ARHGAP10: variants seen among roughly 807,000 people sequenced by gnomAD.
The protein encoded by ARHGAP10 is rho GTPase-activating protein 10.
ARHGAP10 carries 87 observed loss-of-function variants against 108.6 expected under a neutral mutation model. The ratio of observed to expected loss-of-function variants is 0.80; its 90% CI spans 0.67 to 0.96. The LOEUF (loss-of-function observed/expected upper bound fraction) is 0.96, where lower values mean the gene tolerates loss of function less well. Ranked by LOEUF, ARHGAP10 falls within the 40% of genes least tolerant of loss-of-function variation. The pLI is 0.00. For missense variants in ARHGAP10, 939 were observed against 954.5 expected (o/e 0.98, Z 0.21); for synonymous variants, 347 against 341.1 (o/e 1.02, Z -0.19).
At chr4:147,822,113 C>G (rs978375978) in intron 1 of ARHGAP10, among the ~76,000 whole-genome samples, 2 of 152,214 alleles carry the variant, frequency 1.3e-5, no homozygotes, top group African/African-American at 4.8e-5. Flanking sequence ...CTATTAATCT[C>G]CAATTAAGAT....
intron 4 of ARHGAP10, chr4:147,854,701 A>G: frequency 1.0e-6 from 1 of 984,066 alleles, no homozygotes; most frequent in Non-Finnish European, 1.2e-6. Flanking sequence ...GAGCACAAAG[A>G]AACAATAATA....
At chr4:147,740,305 A>T (rs1728608151) in intron 1 of ARHGAP10, among the ~76,000 whole-genome samples, 1 of 152,090 alleles carries the variant, frequency 6.6e-6, no homozygotes, top group Non-Finnish European at 1.5e-5. Context: ...GAATTCAGAG[A>T]GATTAGTAGC....
chr4:147,870,530 A>T (rs548845444), intron 7 of ARHGAP10, among the ~76,000 whole-genome samples: 9 of 150,890 alleles, frequency 6.0e-5, no homozygotes, highest in Non-Finnish European at 1.2e-4. Flanking sequence ...TCCCCATCTG[A>T]TAATACCTAT....
chr4:148,049,793 TTG>T (rs1729042343), intron 20 of ARHGAP10, among the ~76,000 whole-genome samples: 1 of 140,620 alleles, frequency 7.1e-6, no homozygotes, highest in Non-Finnish European at 1.6e-5. Context: ...GATCATAAAA[TTG>T]TTTTTTTTGT....
intron 22 of ARHGAP10, among the ~76,000 whole-genome samples, chr4:148,069,691 GTGCTAGTAACCCCGTAT>G (rs1730069940): frequency 6.6e-6 from 1 of 152,182 alleles, no homozygotes; most frequent in African/African-American, 2.4e-5. Flanking sequence ...TGCAAGCTAA[GTGCTAGTAACCCCGTAT>G]TGCAGGTAAC....
intron 1 of ARHGAP10, among the ~76,000 whole-genome samples, chr4:147,798,755 CTCTCTCTCTCTCTCTCTCTCTCTCTCTA>C (rs1387238591): frequency 1.3e-4 from 5 of 37,918 alleles, no homozygotes; most frequent in South Asian, 9.8e-4. Flanking sequence ...CTCTCTCTCT[CTCTCTCTCTCTCTCTCTCTCTCTCTCTA>C]TATATATATA....
intron 1 of ARHGAP10, among the ~76,000 whole-genome samples, chr4:147,752,752 C>T (rs1729210041): frequency 6.6e-6 from 1 of 152,156 alleles, no homozygotes; most frequent in African/African-American, 2.4e-5. Context: ...GTCTCAAATT[C>T]CTGACCTCAA....
In ARHGAP10 at chr4:147,822,766, G is replaced by A; in HGVS notation, c.194G>A (p.Arg65Lys). The A allele has an allele frequency of 6.2e-7, 1 of 1,614,200 alleles. No homozygotes were observed. Among genetic ancestry groups the A allele is most frequent in the Non-Finnish European group, 8.5e-7 (1 of 1,180,050 alleles). The part of the protein sequence containing the change: ...VAQRKFAHSL[R>K]DFKFEFIGDA... ...CAGCGGAAGTTTGCTCATTCACTCA[G>A]AGACTTTAAGTTTGAGTTTATCGGT... Residue 65 changes from arginine to lysine, a missense_variant, in exon 2 of 23, where the codon AGA becomes AAA. Arg to Lys is a conservative substitution (Grantham distance 26). Coordinates refer to ENST00000336498, the MANE Select transcript of ARHGAP10 (RefSeq NM_024605.4).
At chr4:147,774,372 A>G (rs936486034) in intron 1 of ARHGAP10, among the ~76,000 whole-genome samples, 1 of 152,232 alleles carries the variant, frequency 6.6e-6, no homozygotes, top group Non-Finnish European at 1.5e-5. Flanking sequence ...TTATTTCTGC[A>G]GGTATCCAAT....
chr4:147,869,722 CAG>C (rs911269336), intron 7 of ARHGAP10, among the ~76,000 whole-genome samples: 1 of 151,898 alleles, frequency 6.6e-6, no homozygotes, highest in African/African-American at 2.4e-5. Context: ...TCTTACAACT[CAG>C]AGTTTCTCTC....
chr4:147,936,483 C>G (rs572620360), intron 13 of ARHGAP10, among the ~76,000 whole-genome samples: 1 of 151,820 alleles, frequency 6.6e-6, no homozygotes, highest in Admixed American at 6.6e-5. Flanking sequence ...CGCCCGCCAC[C>G]GTGCCCGGCT....
At chr4:147,869,545 C>A (rs1734712619) in intron 7 of ARHGAP10, among the ~76,000 whole-genome samples, 1 of 151,624 alleles carries the variant, frequency 6.6e-6, no homozygotes, top group South Asian at 2.1e-4. Context: ...CAACAGTGAT[C>A]ATTTTCTGTA....
At chr4:147,835,080 A>G (rs1733113208) in intron 3 of ARHGAP10, among the ~76,000 whole-genome samples, 1 of 152,096 alleles carries the variant, frequency 6.6e-6, no homozygotes, top group African/African-American at 2.4e-5. Context: ...AATTATCTAA[A>G]TTTATAGGAG....
intron 1 of ARHGAP10, among the ~76,000 whole-genome samples, chr4:147,817,901 C>T (rs1732320620): frequency 6.6e-6 from 1 of 152,118 alleles, no homozygotes; most frequent in Non-Finnish European, 1.5e-5. Context: ...ATGATTTTTC[C>T]ATTTAATTGC....
intron 3 of ARHGAP10, among the ~76,000 whole-genome samples, chr4:147,829,485 G>A (rs1732862281): frequency 6.6e-6 from 1 of 152,094 alleles, no homozygotes; most frequent in African/African-American, 2.4e-5. Flanking sequence ...CACCGCGCCC[G>A]GCCAGGACAG....
chr4:148,036,560 G>C (rs1452459669), intron 19 of ARHGAP10, among the ~76,000 whole-genome samples: 2 of 152,172 alleles, frequency 1.3e-5, no homozygotes, highest in African/African-American at 4.8e-5. Context: ...ATCATGTGTA[G>C]AAGGATGTGT....
intron 10 of ARHGAP10, among the ~76,000 whole-genome samples, chr4:147,897,767 T>C (rs1344001581): frequency 1.3e-5 from 2 of 152,242 alleles, no homozygotes; most frequent in African/African-American, 4.8e-5. Context: ...TTTTATTTTA[T>C]GAAATCAGTA....
At chr4:148,068,301 T>G (rs1322249777) in intron 22 of ARHGAP10, among the ~76,000 whole-genome samples, 3 of 152,140 alleles carry the variant, frequency 2.0e-5, no homozygotes, top group Non-Finnish European at 4.4e-5. Context: ...AACATCCACA[T>G]GTAGATGTGG....
intron 1 of ARHGAP10, among the ~76,000 whole-genome samples, chr4:147,742,924 T>C (rs1322157783): frequency 6.6e-6 from 1 of 151,880 alleles, no homozygotes; most frequent in Non-Finnish European, 1.5e-5. Context: ...TTTTTAAAGT[T>C]TTGGGGACAA....
Sources: gnomAD v4.1 joint callset for allele counts (sites outside exome capture counted in the v4.1 genomes callset) on GRCh38, gnomAD v4.1.1 for gene constraint, MANE v1.5 for transcripts, NCBI Gene and HGNC (gene_info 2026-07-23, HGNC 2026-07-21) for gene names.